CYP11B2: variants seen among roughly 807,000 people sequenced by gnomAD.
CYP11B2 encodes cytochrome P450 family 11 subfamily B member 2.
In CYP11B2, 38 loss-of-function variants were observed where a neutral mutation model predicts 49.3. That is an observed-to-expected ratio of 0.77 (90% CI 0.59 to 1.01). The LOEUF (loss-of-function observed/expected upper bound fraction) is 1.01, where lower values mean the gene tolerates loss of function less well. Ranked by LOEUF, CYP11B2 falls within the 50% of genes least tolerant of loss-of-function variation. CYP11B2 has a pLI of 0.00. For synonymous variants in CYP11B2, 290 were observed against 269.3 expected (o/e 1.08, Z -0.75); for missense variants, 669 against 655.5 (o/e 1.02, Z -0.23).
chr8:142,912,556 C>A lies in CYP11B2; in HGVS notation c.1372G>T (p.Ala458Ser), dbSNP rs781186660. The A allele has an allele frequency of 2.5e-6, 4 of 1,613,848 alleles. No homozygotes were observed. Among genetic ancestry groups the A allele is most frequent in the Non-Finnish European group, 3.4e-6 (4 of 1,180,006 alleles). ...TGGTGCAGCAGCAGCAGCATCTCTG[C>A]CTCTGCCAGGCGCCGCCCGAGGCAC... ...RQCLGRRLAE[A>S]EMLLLLHHVL... Residue 458 changes from alanine to serine, a missense_variant, in exon 8 of 9, where the codon GCA becomes TCA. Coordinates refer to ENST00000323110, the MANE Select transcript of CYP11B2 (RefSeq NM_000498.3).
At chr8:142,915,843 A>G (rs1817635017) in intron 2 of CYP11B2, among the ~76,000 whole-genome samples, 3 of 152,050 alleles carry the variant, frequency 2.0e-5, no homozygotes, top group Admixed American at 2.0e-4. Flanking sequence ...AATGGTGGGG[A>G]GGAATTTCCC....
At position 142,916,376 on chromosome 8, in the gene CYP11B2, A is replaced by G. The variant is rs764550125; in HGVS notation, c.395+683T>C. The G allele has an allele frequency of 1.8e-4, 84 of 456,256 alleles. 1 individual carries two copies. Among genetic ancestry groups the G allele is most frequent in the South Asian group, 1.2e-3 (78 of 64,440 alleles). The allele number at this position is 456,256 out of a possible 1,614,324, so 28.3% of individuals were successfully genotyped here. A position where few individuals can be genotyped will look rare whatever the true frequency, so the allele number is the denominator to read the frequency against. ...GGGCTGTCACCACTGTGACATCCTC[A>G]TCCAGTCCTTCCCCCGTCCTAATGA... On this transcript the variant is annotated intron_variant, in intron 2 of 8. Coordinates refer to ENST00000323110, the MANE Select transcript of CYP11B2 (RefSeq NM_000498.3).
intron 5 of CYP11B2, among the ~76,000 whole-genome samples, chr8:142,913,656 A>C (rs1187428929): frequency 6.6e-6 from 1 of 151,852 alleles, no homozygotes; most frequent in Non-Finnish European, 1.5e-5. Flanking sequence ...CCCCATCTCC[A>C]CCAAGGCCCA....
At chr8:142,912,502 T>TG in intron 8 of CYP11B2, 28 bp downstream of exon 8, 1 of 1,235,732 alleles carries the variant, frequency 8.1e-7, no homozygotes, top group Non-Finnish European at 1.2e-6. Flanking sequence ...GCTGCCCAGG[T>TG]CCCGCCCCCG....
intron 6 of CYP11B2, 116 bp from the exon 7 acceptor site, chr8:142,913,001 C>T: frequency 2.8e-6 from 3 of 1,087,500 alleles, no homozygotes; most frequent in South Asian, 2.7e-5. Flanking sequence ...AAGCCCAGGT[C>T]GTAGGAAGTA....
Position 142,915,839 on chromosome 8 carries a change from G to A in CYP11B2, c.396-594C>T, listed in dbSNP as rs545476329. Among the ~76,000 whole-genome samples the A allele has an allele frequency of 2.2e-4, 33 of 152,154 alleles. No homozygotes were observed. The East Asian group carries it at 6.0e-3, about 28-fold the overall frequency. ...TCCATGGATGCCCCCAGGGAATGGTGGGGAGGAATTTCCCCTGTCAGCCAC... is the reference window on the plus strand; with the variant it reads ...TCCATGGATGCCCCCAGGGAATGGTAGGGAGGAATTTCCCCTGTCAGCCAC... On this transcript the variant is annotated intron_variant, in intron 2 of 8. Coordinates refer to ENST00000323110, the MANE Select transcript of CYP11B2 (RefSeq NM_000498.3).
intron 3 of CYP11B2, 37 bp downstream of exon 3, chr8:142,915,008 AG>A (rs1317804257): frequency 6.2e-7 from 1 of 1,612,692 alleles, no homozygotes; most frequent in East Asian, 2.2e-5. Flanking sequence ...TGGCCACTCC[AG>A]GGTCTCTGGG....
At position 142,913,177 on chromosome 8, in the gene CYP11B2, T is replaced by G. The variant is rs1817572299; in HGVS notation, c.1121+108A>C. The G allele has an allele frequency of 6.9e-5, 87 of 1,264,628 alleles. 1 individual carries two copies. In the South Asian group the frequency reaches 1.1e-3, roughly 16 times the overall value. The allele number at this position is 1,264,628 out of a possible 1,614,324, so 78.3% of individuals were successfully genotyped here. ...GAAGAGCAGGTGCAGGGGAATGGGC[T>G]GCTGGGTGACGCTGTTTATCAGCCC... On this transcript the variant is annotated intron_variant, in intron 6 of 8. Transcript: ENST00000323110.
Position 142,917,675 on chromosome 8 carries a change from A to T in CYP11B2, c.166T>A (p.Trp56Arg). The T allele has an allele frequency of 6.2e-7, 1 of 1,614,266 alleles. No homozygotes were observed. Among genetic ancestry groups the T allele is most frequent in the South Asian group, 1.1e-5 (1 of 91,088 alleles). ...AGGTGCTCATAACCCTGCTCCCTCC[A>T]GATCTGCAGCAGCCTCAGCCACCTG... Reference protein sequence around the residue: ...GNRWLRLLQIWREQGYEHLHL... With the variant: ...GNRWLRLLQIRREQGYEHLHL... Residue 56 changes from tryptophan (W) to arginine (R), a missense_variant, in exon 1 of 9, where the codon TGG becomes AGG. Trp to Arg is a moderately radical substitution (Grantham distance 101). Transcript: ENST00000323110.
At chr8:142,916,898 G>C (rs1366453462) in intron 2 of CYP11B2, among the ~76,000 whole-genome samples, 161 bp downstream of exon 2, 1 of 152,034 alleles carries the variant, frequency 6.6e-6, no homozygotes, top group Admixed American at 6.5e-5. Context: ...GTGCAGACGC[G>C]ACCCCACAGG....
chr8:142,914,670 CT>C, intron 4 of CYP11B2, 34 bp downstream of exon 4: 2 of 1,562,566 alleles, frequency 1.3e-6, no homozygotes, highest in South Asian at 2.4e-5. Flanking sequence ...CATGGTGTCC[CT>C]TCCCCATAGC....
In CYP11B2 at chr8:142,915,033, G is replaced by A. The variant is rs6413; in HGVS notation, c.595+13C>T. ...AGGGTCTCTGGGGCTGGACCTTCCC[G>A]CATGGCCCACACCTTCTATGGTGTA... is the stretch of plus-strand genomic sequence containing the variant. On this transcript the variant is annotated intron_variant, in intron 3 of 8. Transcript: ENST00000323110. The A allele has an allele frequency of 6.3e-5, 101 of 1,612,822 alleles. No homozygotes were observed. Among genetic ancestry groups the A allele is most frequent in the Admixed American group, 8.3e-5 (5 of 59,940 alleles).
chr8:142,912,502 T>TGCCGC, intron 8 of CYP11B2, 28 bp downstream of exon 8: 4 of 1,235,730 alleles, frequency 3.2e-6, no homozygotes, highest in Non-Finnish European at 4.8e-6. Context: ...GCTGCCCAGG[T>TGCCGC]CCCGCCCCCG....
rs1180494149 is a variant in CYP11B2, at chr8:142,911,612, G to C, written c.*368C>G. 3.1e-6 allele frequency: 1 copy of C among 323,118 alleles called. No individual in the cohort carries two copies. Among genetic ancestry groups the C allele is most frequent in the Non-Finnish European group, 6.0e-6 (1 of 166,922 alleles). The allele number at this position is 323,118 out of a possible 1,614,324, so 20.0% of individuals were successfully genotyped here. ...GGGCGAGAGGGACAGGGACATGTGAGACTAGGCAGGAAGGCAAGGGACAAA... is the reference window on the plus strand; with the variant it reads ...GGGCGAGAGGGACAGGGACATGTGACACTAGGCAGGAAGGCAAGGGACAAA... On this transcript the variant is annotated 3_prime_UTR_variant, in exon 9 of 9. Transcript: ENST00000323110.
rs9297975 is a variant in CYP11B2 at position 142,911,741 on chromosome 8, A to G, written c.*239T>C. 1 allele frequency: 572,701 copies of G among 572,964 alleles called. 286,219 individuals are homozygous for G. Among genetic ancestry groups the G allele is most frequent in the Middle Eastern group, 1 (2,030 of 2,030 alleles). 35.5% of individuals were successfully genotyped at this position (572,964 alleles called of 1,614,324 possible). ...GCTTGCTGGAGAAGGGGCCAGGTGGAGCTGGGGACAAGGCCAGGCCCTGCC... is the reference window on the plus strand; with the variant it reads ...GCTTGCTGGAGAAGGGGCCAGGTGGGGCTGGGGACAAGGCCAGGCCCTGCC... On this transcript the variant is annotated 3_prime_UTR_variant, in exon 9 of 9. Coordinates refer to ENST00000323110, the MANE Select transcript of CYP11B2 (RefSeq NM_000498.3).
intron 2 of CYP11B2, 22 bp downstream of exon 2, chr8:142,917,037 C>T (rs1363006438): frequency 6.2e-7 from 1 of 1,613,678 alleles, no homozygotes; most frequent in African/African-American, 1.3e-5. Flanking sequence ...TCCCAGCTCT[C>T]AGCTCCCAAC....
In CYP11B2 at chr8:142,911,843, G is replaced by T; in HGVS notation, c.*137C>A. On this transcript the variant is annotated 3_prime_UTR_variant, in exon 9 of 9. Transcript: ENST00000323110. ...AAGCCCCAGTCCTGGAGGCCCTGGG[G>T]AGTTCCATTTGTGCAGGAGCTGGCT... 7.4e-7 allele frequency: 1 copy of T among 1,346,826 alleles called. No individual in the cohort carries two copies. Among genetic ancestry groups the T allele is most frequent in the Non-Finnish European group, 1.0e-6 (1 of 975,360 alleles). 83.4% of individuals were successfully genotyped at this position (1,346,826 alleles called of 1,614,324 possible). A position where few individuals can be genotyped will look rare whatever the true frequency, so the allele number is the denominator to read the frequency against.
At chr8:142,916,381 G>C in intron 2 of CYP11B2, 2 of 456,350 alleles carry the variant, frequency 4.4e-6, no homozygotes, top group Non-Finnish European at 8.8e-6. Flanking sequence ...TCCTCATCCA[G>C]TCCTTCCCCC....
At chr8:142,914,529 A>G in intron 4 of CYP11B2, 111 bp from the exon 5 acceptor site, 1 of 1,447,704 alleles carries the variant, frequency 6.9e-7, no homozygotes, top group South Asian at 1.2e-5. Flanking sequence ...CTCTCATCCC[A>G]AATTCTCCGG....
Sources: allele counts gnomAD v4.1 joint callset (sites outside exome capture counted in the v4.1 genomes callset), GRCh38; gene constraint gnomAD v4.1.1; transcripts MANE v1.5; gene names NCBI Gene and HGNC (gene_info 2026-07-23, HGNC 2026-07-21).